CCDC149: variants seen among roughly 807,000 people sequenced by gnomAD.
The protein encoded by CCDC149 is coiled-coil domain containing 149, also known as coiled-coil domain-containing protein 149.
CCDC149 carries 45 observed loss-of-function variants against 59.9 expected under a neutral mutation model. The ratio of observed to expected loss-of-function variants is 0.75; its 90% CI spans 0.59 to 0.96. CCDC149 has a LOEUF of 0.96. CCDC149 is among the 40% of genes least tolerant of loss of function. The pLI is 0.00. For missense variants in CCDC149, 584 were observed against 664.7 expected (o/e 0.88, Z 1.33); for synonymous variants, 245 against 260.6 (o/e 0.94, Z 0.58).
intron 1 of CCDC149, among the ~76,000 whole-genome samples, chr4:24,924,480 A>G (rs540390015): frequency 1.0e-3 from 153 of 152,332 alleles, no homozygotes; most frequent in African/African-American, 3.6e-3. Flanking sequence ...AGCTGAGAAG[A>G]TTCAGAGTGT....
chr4:24,960,299 G>A (rs984620699), intron 1 of CCDC149, among the ~76,000 whole-genome samples: 3 of 151,966 alleles, frequency 2.0e-5, no homozygotes, highest in Non-Finnish European at 4.4e-5. Flanking sequence ...TTAATTGTTA[G>A]CTATAAATCT....
chr4:24,926,627 A>G (rs1456477345), intron 1 of CCDC149, among the ~76,000 whole-genome samples: 1 of 152,114 alleles, frequency 6.6e-6, no homozygotes, highest in Non-Finnish European at 1.5e-5. Context: ...TTCTGTTCCT[A>G]TTGCTTCCAA....
At chr4:24,871,042 C>CAAAAAAAAAAAAAAAA (rs35580363) in intron 3 of CCDC149, among the ~76,000 whole-genome samples, 1 of 77,988 alleles carries the variant, frequency 1.3e-5, no homozygotes. Context: ...GAGACTCCCT[C>CAAAAAAAAAAAAAAAA]AAAAAAAAAA....
chr4:24,919,052 G>C (rs1014819535), intron 1 of CCDC149, among the ~76,000 whole-genome samples: 1 of 152,172 alleles, frequency 6.6e-6, no homozygotes, highest in African/African-American at 2.4e-5. Context: ...CTTTGGGAAA[G>C]AGGTACATGG....
intron 10 of CCDC149, 108 bp downstream of exon 10, chr4:24,822,389 A>T: frequency 1.6e-6 from 1 of 633,874 alleles, no homozygotes; most frequent in Non-Finnish European, 2.6e-6. Flanking sequence ...AAGGTAGAAT[A>T]AAAGGACATT....
intron 1 of CCDC149, among the ~76,000 whole-genome samples, chr4:24,905,952 T>C (rs574158237): frequency 6.6e-6 from 1 of 152,254 alleles, no homozygotes; most frequent in South Asian, 2.1e-4. Context: ...CCCATTCCCA[T>C]GGGCTGGGAC....
intron 3 of CCDC149, among the ~76,000 whole-genome samples, chr4:24,857,816 C>G (rs1718118929): frequency 6.6e-6 from 1 of 152,178 alleles, no homozygotes; most frequent in African/African-American, 2.4e-5. Context: ...AACTTGGCCC[C>G]TGGAGTACAG....
chr4:24,893,679 C>A, intron 1 of CCDC149, among the ~76,000 whole-genome samples: 1 of 116,160 alleles, frequency 8.6e-6, no homozygotes, highest in African/African-American at 3.3e-5. Flanking sequence ...TGGAACGGGG[C>A]AATCTCAACT....
At chr4:24,974,072 G>A (rs981982919) in intron 1 of CCDC149, among the ~76,000 whole-genome samples, 7 of 152,232 alleles carry the variant, frequency 4.6e-5, no homozygotes, top group African/African-American at 1.7e-4. Flanking sequence ...ACAAACGCCT[G>A]GAACAAATCC....
chr4:24,825,526 C>G (rs1410996173), intron 9 of CCDC149, among the ~76,000 whole-genome samples: 3 of 152,094 alleles, frequency 2.0e-5, no homozygotes, highest in African/African-American at 7.2e-5. Flanking sequence ...GTAATCCCAG[C>G]ACTTTGGGAG....
intron 1 of CCDC149, among the ~76,000 whole-genome samples, chr4:24,966,620 T>C (rs1389151529): frequency 1.3e-5 from 2 of 152,190 alleles, no homozygotes; most frequent in Non-Finnish European, 2.9e-5. Context: ...ATAGATTTGA[T>C]TTTTGTCAGG....
intron 3 of CCDC149, among the ~76,000 whole-genome samples, chr4:24,859,598 G>A (rs1172900000): frequency 1.3e-5 from 2 of 152,128 alleles, no homozygotes; most frequent in Non-Finnish European, 1.5e-5. Flanking sequence ...CCTAGCAAGA[G>A]CAATCAGACA....
intron 12 of CCDC149, among the ~76,000 whole-genome samples, chr4:24,812,169 A>G (rs1290416376): frequency 6.6e-6 from 1 of 152,204 alleles, no homozygotes; most frequent in Middle Eastern, 3.2e-3. Flanking sequence ...CATATCGGCA[A>G]AGTCATTTTG....
intron 1 of CCDC149, among the ~76,000 whole-genome samples, chr4:24,886,694 T>A (rs533854235): frequency 7.9e-4 from 120 of 152,322 alleles, no homozygotes; most frequent in African/African-American, 2.8e-3. Context: ...GATCATTCAA[T>A]AATAATCCTT....
At position 24,822,589 on chromosome 4, in the gene CCDC149, A is replaced by G. The variant is rs1715482361; in HGVS notation, c.966-16T>C. 1 of 1,521,192 alleles carries G rather than the reference A, an allele frequency of 6.6e-7. No homozygotes were observed. Among genetic ancestry groups the G allele is most frequent in the Non-Finnish European group, 8.8e-7 (1 of 1,131,886 alleles). The allele number at this position is 1,521,192 out of a possible 1,614,324, so 94.2% of individuals were successfully genotyped here. A position where few individuals can be genotyped will look rare whatever the true frequency, so the allele number is the denominator to read the frequency against. ...CCCTAGGATTCTGAAAAAAGGGGAG[A>G]AAATGACAATCAATTACTGAGCATC... On this transcript the variant is annotated splice_polypyrimidine_tract_variant and intron_variant, in intron 9 of 12. Coordinates refer to ENST00000635206, the MANE Select transcript of CCDC149 (RefSeq NM_001330643.2).
rs57205804 is a variant in CCDC149 at position 24,931,829 on chromosome 4, GTATATATATATATA to G, written c.-64-36725_-64-36712del. On this transcript the variant is annotated intron_variant, in intron 1 of 12. Transcript: ENST00000389609. ...CTCCCTTATATTGTATGGAGAGTATGTATATATATATATATATATATATGCATAATCCATATCCA... is the reference window on the plus strand; with the variant it reads ...CTCCCTTATATTGTATGGAGAGTATGTATATATATGCATAATCCATATCCA... 6.4e-3 allele frequency among the ~76,000 whole-genome samples: 489 copies of G among 76,936 alleles called. 19 individuals carry two copies. The highest frequency in any genetic ancestry group is 0.01 in the African/African-American group (165 of 16,500). The allele number at this position is 76,936 out of a possible 152,430, so 50.5% of individuals were successfully genotyped here. A position where few individuals can be genotyped will look rare whatever the true frequency, so the allele number is the denominator to read the frequency against.
intron 5 of CCDC149, 33 bp downstream of exon 5, chr4:24,838,123 C>T (rs1212520945): frequency 2.7e-6 from 4 of 1,493,604 alleles, no homozygotes; most frequent in Non-Finnish European, 3.7e-6. Context: ...TGTGCAAATG[C>T]ATCCCCCACT....
At chr4:24,848,617 C>T (rs1717464254) in intron 4 of CCDC149, among the ~76,000 whole-genome samples, 1 of 151,976 alleles carries the variant, frequency 6.6e-6, no homozygotes, top group South Asian at 2.1e-4. Context: ...TGACCCCAAA[C>T]ACAAGAGCAG....
intron 1 of CCDC149, among the ~76,000 whole-genome samples, chr4:24,931,256 T>G (rs987653423): frequency 4.0e-5 from 6 of 148,544 alleles, no homozygotes; most frequent in African/African-American, 1.5e-4. Flanking sequence ...TTGTATAATA[T>G]GCATATGTAT....
Sources: gnomAD v4.1 joint callset for allele counts (sites outside exome capture counted in the v4.1 genomes callset) on GRCh38, gnomAD v4.1.1 for gene constraint, MANE v1.5 for transcripts, NCBI Gene and HGNC (gene_info 2026-07-23, HGNC 2026-07-21) for gene names.